Variants in MTSS1 observed in about 807,000 individuals in gnomAD.
The protein encoded by MTSS1 is protein MTSS 1.
A neutral mutation model predicts 79.0 loss-of-function variants in MTSS1; 18 were observed. The observed-to-expected ratio is 0.23, with a 90% confidence interval of 0.16 to 0.34. The LOEUF (loss-of-function observed/expected upper bound fraction) is 0.34. Ranked by LOEUF, MTSS1 falls within the 10% of genes least tolerant of loss-of-function variation. The pLI is 1.00. For missense variants in MTSS1, 815 were observed against 986.2 expected, an observed-to-expected ratio of 0.83 and a Z score of 2.33; for synonymous variants, 341 against 368.6, an observed-to-expected ratio of 0.93 and a Z score of 0.86.
At chr8:124,709,161 A>G (rs57692957) in intron 1 of MTSS1, among the ~76,000 whole-genome samples, 2,944 of 152,254 alleles carry the variant, frequency 0.019, 105 homozygotes, top group African/African-American at 0.068. Flanking sequence ...GGACAGCAAG[A>G]CTACATAAAG....
intron 11 of MTSS1, 44 bp downstream of exon 11, chr8:124,557,635 GCA>G: frequency 6.7e-7 from 1 of 1,501,014 alleles, no homozygotes; most frequent in Non-Finnish European, 9.1e-7. Flanking sequence ...AGAGGGGTGA[GCA>G]CAGAGGCAAT....
chr8:124,558,789 T>C, intron 10 of MTSS1: 1 of 1,579,846 alleles, frequency 6.3e-7, no homozygotes, highest in South Asian at 1.1e-5. Flanking sequence ...GCTCACTGAC[T>C]GGCAGGTTTC....
chr8:124,602,757 C>A (rs111251444), intron 3 of MTSS1, among the ~76,000 whole-genome samples: 58 of 152,306 alleles, frequency 3.8e-4, no homozygotes, highest in African/African-American at 1.3e-3. Flanking sequence ...CTTAGGTGAT[C>A]TCCAGGTTAG....
At chr8:124,630,176 G>A (rs1335181055) in intron 3 of MTSS1, among the ~76,000 whole-genome samples, 2 of 152,238 alleles carry the variant, frequency 1.3e-5, no homozygotes, top group African/African-American at 4.8e-5. Context: ...GTCACCTTCA[G>A]AAGTGACCTA....
At chr8:124,691,892 T>C (rs193129306) in intron 3 of MTSS1, among the ~76,000 whole-genome samples, 4 of 152,336 alleles carry the variant, frequency 2.6e-5, no homozygotes, top group African/African-American at 9.6e-5. Context: ...GAATTTTCAG[T>C]TCCAGACCTA....
chr8:124,627,572 AAT>A (rs1228711000), intron 3 of MTSS1, among the ~76,000 whole-genome samples: 1 of 152,270 alleles, frequency 6.6e-6, no homozygotes, highest in Admixed American at 6.5e-5. Context: ...AGACAGAGAC[AAT>A]ATAAGACCGG....
intron 3 of MTSS1, among the ~76,000 whole-genome samples, chr8:124,644,525 G>A (rs573484824): frequency 2.6e-5 from 4 of 152,268 alleles, no homozygotes; most frequent in South Asian, 2.1e-4. Context: ...TTAGCATCAC[G>A]TAAACATAAT....
intron 3 of MTSS1, among the ~76,000 whole-genome samples, chr8:124,642,564 C>T (rs12545201): frequency 0.038 from 5,781 of 152,078 alleles, 260 homozygotes; most frequent in East Asian, 0.17. Flanking sequence ...TTAAGACAGC[C>T]CCATGTTTCT....
chr8:124,641,353 T>C (rs1222091230), intron 3 of MTSS1, among the ~76,000 whole-genome samples: 1 of 152,202 alleles, frequency 6.6e-6, no homozygotes, highest in African/African-American at 2.4e-5. Flanking sequence ...GAGAAAAGAA[T>C]AAAAGGATTG....
At chr8:124,674,791 A>G (rs1824976659) in intron 3 of MTSS1, among the ~76,000 whole-genome samples, 1 of 151,606 alleles carries the variant, frequency 6.6e-6, no homozygotes, top group South Asian at 2.1e-4. Context: ...TGGCACTCTC[A>G]ACGCACTGCA....
At chr8:124,684,685 C>T (rs1826671990) in intron 3 of MTSS1, among the ~76,000 whole-genome samples, 2 of 152,066 alleles carry the variant, frequency 1.3e-5, no homozygotes, top group South Asian at 4.1e-4. Context: ...CCCCAAATGT[C>T]AACTAAAGAT....
intron 3 of MTSS1, among the ~76,000 whole-genome samples, chr8:124,662,659 C>T (rs1297924204): frequency 6.6e-6 from 1 of 151,884 alleles, no homozygotes; most frequent in African/African-American, 2.4e-5. Flanking sequence ...TTGAAGAGCC[C>T]CTGCTCTAGA....
chr8:124,705,721 T>C (rs1830292572), intron 1 of MTSS1, among the ~76,000 whole-genome samples: 1 of 152,250 alleles, frequency 6.6e-6, no homozygotes, highest in South Asian at 2.1e-4. Flanking sequence ...TTAACAGTTT[T>C]ACCTTCCTAA....
chr8:124,629,522 A>AAAAAG lies in MTSS1; in HGVS notation c.209-38292_209-38288dup, dbSNP rs1554682599. On this transcript the variant is annotated intron_variant, in intron 3 of 13. Transcript: ENST00000518547. Reference sequence around the variant, plus strand: ...CTCCGTCTCAAAAAAAAAAAAAAAAAAAAAGAAAAGAAAAAGAAAAAAGAA... The same window carrying AAAAAG: ...CTCCGTCTCAAAAAAAAAAAAAAAAAAAAAGAAAAGAAAAGAAAAAGAAAAAAGAA... Among the ~76,000 whole-genome samples the AAAAAG allele has an allele frequency of 4.0e-3, 576 of 144,534 alleles. 3 individuals are homozygous for AAAAAG. The highest frequency in any genetic ancestry group is 7.0e-3 in the Middle Eastern group (2 of 286). The allele number at this position is 144,534 out of a possible 152,430, so 94.8% of individuals were successfully genotyped here. A position where few individuals can be genotyped will look rare whatever the true frequency, so the allele number is the denominator to read the frequency against.
At chr8:124,650,353 G>A (rs1441694551) in intron 3 of MTSS1, among the ~76,000 whole-genome samples, 1 of 152,104 alleles carries the variant, frequency 6.6e-6, no homozygotes, top group Non-Finnish European at 1.5e-5. Context: ...TTAAAGGGCT[G>A]TGAAACCACA....
Position 124,675,236 on chromosome 8 carries a change from G to C in MTSS1, c.208+24290C>G, listed in dbSNP as rs570369841. 2.6e-5 allele frequency among the ~76,000 whole-genome samples: 4 copies of C among 152,318 alleles called. No homozygotes were observed. The South Asian group carries it at 8.3e-4, about 32-fold the overall frequency. On this transcript the variant is annotated intron_variant, in intron 3 of 13. Coordinates refer to ENST00000518547, the MANE Select transcript of MTSS1 (RefSeq NM_014751.6). ...CTCCCCTGCCAGCAAACACCATGTA[G>C]AAATAATGAATAAAGATGCATAGAA...
intron 6 of MTSS1, among the ~76,000 whole-genome samples, chr8:124,574,926 C>T (rs1446288799): frequency 6.6e-6 from 1 of 152,138 alleles, no homozygotes; most frequent in Non-Finnish European, 1.5e-5. Flanking sequence ...CCTCACCAAT[C>T]AGGGTGTGTC....
chr8:124,640,793 C>T (rs187984289), intron 3 of MTSS1, among the ~76,000 whole-genome samples: 3 of 152,230 alleles, frequency 2.0e-5, no homozygotes, highest in African/African-American at 4.8e-5. Flanking sequence ...CCACCCTCCT[C>T]GGCCTCCCAA....
intron 3 of MTSS1, among the ~76,000 whole-genome samples, chr8:124,615,698 T>C (rs1004041554): frequency 1.3e-5 from 2 of 152,210 alleles, no homozygotes; most frequent in East Asian, 1.9e-4. Context: ...TATGTTATAT[T>C]ATGCACACTC....
Sources: gnomAD v4.1 joint callset for allele counts (sites outside exome capture counted in the v4.1 genomes callset) on GRCh38, gnomAD v4.1.1 for gene constraint, MANE v1.5 for transcripts, NCBI Gene and HGNC (gene_info 2026-07-23, HGNC 2026-07-21) for gene names.